Variants in SH3YL1 observed in about 807,000 individuals in gnomAD.
SH3YL1 encodes SH3 domain-containing YSC84-like protein 1.
In SH3YL1, 41 loss-of-function variants were observed where a neutral mutation model predicts 45.8. The observed-to-expected ratio is 0.89, with a 90% confidence interval of 0.70 to 1.16. The LOEUF (loss-of-function observed/expected upper bound fraction) is 1.16. SH3YL1 is among the 50% of genes most tolerant of loss of function. SH3YL1 has a pLI of 0.00. For synonymous variants in SH3YL1, 152 were observed against 151.4 expected, an observed-to-expected ratio of 1.00 and a Z score of -0.03; for missense variants, 389 against 409.6, an observed-to-expected ratio of 0.95 and a Z score of 0.43.
intron 2 of SH3YL1, among the ~76,000 whole-genome samples, chr2:250,311 A>G: frequency 6.6e-6 from 1 of 152,222 alleles, no homozygotes; most frequent in Non-Finnish European, 1.5e-5. Flanking sequence ...AGCTAAATTA[A>G]CCTTGTATTA....
intron 5 of SH3YL1, 114 bp from the exon 6 acceptor site, chr2:233,343 C>T: frequency 1.7e-6 from 2 of 1,152,742 alleles, no homozygotes; most frequent in Non-Finnish European, 2.3e-6. Context: ...GTACCTTCTT[C>T]AGCTGTTTCT....
At chr2:236,420 T>C (rs975929672) in intron 4 of SH3YL1, among the ~76,000 whole-genome samples, 1 of 152,148 alleles carries the variant, frequency 6.6e-6, no homozygotes, top group Non-Finnish European at 1.5e-5. Flanking sequence ...ATGGAACTAC[T>C]GTGAGAATCA....
At chr2:241,777 T>G (rs1257392096) in intron 4 of SH3YL1, 1 of 152,064 alleles carries the variant, frequency 6.6e-6, no homozygotes, top group Admixed American at 6.6e-5. Flanking sequence ...CAACTTAGAA[T>G]CTTATAATCA....
At position 249,731 on chromosome 2, in the gene SH3YL1, T is replaced by A. The variant is rs910024858; in HGVS notation, c.226A>T (p.Lys76Ter). 2.3e-5 allele frequency: 36 copies of A among 1,550,068 alleles called. No homozygotes were observed. Among genetic ancestry groups the A allele is most frequent in the Non-Finnish European group, 1.0e-5 (12 of 1,145,602 alleles). ...CTCCAGTGAACAGACGCCAACTTAC[T>A]TCCATCTGGAAGGCGCGCCACTACA... ...GIVVARLPDG[K>*]WSAPSAIGIA... The change falls in exon 3 of 10, where the codon AAA (lysine) becomes TAA (stop). Residue 76 changes from lysine to a stop codon, truncating the protein, a stop_gained and splice_region_variant. Transcript: ENST00000356150. LOFTEE classifies it high-confidence loss of function.
chr2:224,842 A>G, intron 9 of SH3YL1, 22 bp downstream of exon 9: 1 of 1,534,836 alleles, frequency 6.5e-7, no homozygotes, highest in South Asian at 1.1e-5. Context: ...ATCATTTATA[A>G]CATATAGATT....
At chr2:241,252 A>C (rs1668531339) in intron 4 of SH3YL1, 1 of 152,196 alleles carries the variant, frequency 6.6e-6, no homozygotes, top group Non-Finnish European at 1.5e-5. Context: ...TTCTGGAGGT[A>C]AAAAGTACAT....
intron 1 of SH3YL1, chr2:259,837 G>C (rs990215140): frequency 6.6e-6 from 1 of 151,044 alleles, no homozygotes; most frequent in Non-Finnish European, 1.5e-5. Flanking sequence ...GTTACAGAAA[G>C]ATAAACTCCA....
intron 8 of SH3YL1, among the ~76,000 whole-genome samples, chr2:229,597 C>T (rs558405242): frequency 8.9e-4 from 134 of 150,636 alleles, no homozygotes; most frequent in African/African-American, 3.0e-3. Context: ...GGCGTAGTGG[C>T]GGGCGCCTGT....
intron 1 of SH3YL1, chr2:256,392 T>C (rs1418135402): frequency 6.6e-6 from 1 of 152,234 alleles, no homozygotes; most frequent in African/African-American, 2.4e-5. Flanking sequence ...GTAAGCCTTT[T>C]GTAAAAAAAT....
chr2:242,709 T>G (rs1332913923), intron 4 of SH3YL1: 1 of 1,414,212 alleles, frequency 7.1e-7, no homozygotes, highest in South Asian at 1.6e-5. Context: ...AGGCAGAGAT[T>G]ATTAGCATGG....
chr2:253,385 G>A (rs543076452), intron 1 of SH3YL1, among the ~76,000 whole-genome samples: 1 of 152,264 alleles, frequency 6.6e-6, no homozygotes, highest in African/African-American at 2.4e-5. Flanking sequence ...CAGTAAAGGA[G>A]CTGGCCAAAT....
At chr2:242,729 C>T (rs201286240) in intron 4 of SH3YL1, 1 of 1,044,816 alleles carries the variant, frequency 9.6e-7, no homozygotes, top group Non-Finnish European at 1.3e-6. Context: ...GATAAAACAA[C>T]AATAACAACA....
chr2:244,188 T>C (rs183150341), intron 4 of SH3YL1, among the ~76,000 whole-genome samples: 292 of 144,870 alleles, frequency 2.0e-3, no homozygotes, highest in Middle Eastern at 0.011. Context: ...TAATAGCATG[T>C]GTACAAGTTT....
chr2:264,413 G>A, upstream of SH3YL1: 1 of 198,638 alleles, frequency 5.0e-6, no homozygotes, highest in Non-Finnish European at 1.0e-5. Context: ...CGAGACTCGC[G>A]CTGTGCCCCA....
At position 231,156 on chromosome 2, in the gene SH3YL1, A is replaced by G; in HGVS notation, c.569T>C (p.Leu190Ser). 6.2e-7 allele frequency: 1 copy of G among 1,613,756 alleles called. No individual in the cohort carries two copies. Among genetic ancestry groups the G allele is most frequent in the Non-Finnish European group, 8.5e-7 (1 of 1,179,760 alleles). Reference protein sequence around the residue: ...YCQDIRAYDILFGDTPRPAQA... With the variant: ...YCQDIRAYDISFGDTPRPAQA... ...AGCAGGCCGCGGTGTATCTCCAAAT[A>G]AAATGTCATAAGCTCGGATATCTTG... Residue 190 changes from leucine to serine, a missense_variant, in exon 7 of 10, where the codon TTA (leucine) becomes TCA (serine). Transcript: ENST00000356150.
intron 7 of SH3YL1, 28 bp from the exon 8 acceptor site, chr2:230,072 A>T: frequency 5.8e-6 from 9 of 1,544,032 alleles, no homozygotes; most frequent in Non-Finnish European, 7.9e-6. Context: ...ATAAATACAC[A>T]TAATTTTAAA....
At chr2:242,917 A>G (rs1668609831) in intron 4 of SH3YL1, 1 of 1,199,898 alleles carries the variant, frequency 8.3e-7, no homozygotes, top group Non-Finnish European at 1.1e-6. Context: ...AAACAGGGAC[A>G]TATTATAATG....
chr2:264,334 T>G, upstream of SH3YL1: 2 of 280,052 alleles, frequency 7.1e-6, no homozygotes, highest in Non-Finnish European at 1.3e-5. Flanking sequence ...TCAAGGCAGG[T>G]TCCCCGCGTG....
intron 1 of SH3YL1, among the ~76,000 whole-genome samples, chr2:258,937 C>T (rs891687767): frequency 1.3e-5 from 2 of 152,172 alleles, no homozygotes; most frequent in African/African-American, 4.8e-5. Context: ...TTCTCTCAGC[C>T]GTCCCTCATT....
Sources: gnomAD v4.1 joint callset for allele counts (sites outside exome capture counted in the v4.1 genomes callset) on GRCh38, gnomAD v4.1.1 for gene constraint, MANE v1.5 for transcripts, NCBI Gene and HGNC (gene_info 2026-07-23, HGNC 2026-07-21) for gene names.